The following BCL2L13 variants were observed in gnomAD, a reference collection of about 807,000 sequenced individuals.
BCL2L13 encodes the protein bcl-2-like protein 13.
In BCL2L13, 13 loss-of-function variants were observed where a neutral mutation model predicts 25.8. That is an observed-to-expected ratio of 0.50 (90% CI 0.33 to 0.80). The LOEUF (loss-of-function observed/expected upper bound fraction) is 0.80. Ranked by LOEUF, BCL2L13 falls within the 30% of genes least tolerant of loss-of-function variation. The probability of loss-of-function intolerance (pLI) is 0.02; values close to 1 mark genes in which losing one functional copy is unlikely to be tolerated. For missense variants in BCL2L13, 504 were observed against 574.9 expected (o/e 0.88, Z 1.26); for synonymous variants, 244 against 230.3 (o/e 1.06, Z -0.54).
intron 1 of BCL2L13, among the ~76,000 whole-genome samples, chr22:17,632,167 G>T (rs1035634769): frequency 6.6e-6 from 1 of 152,108 alleles, no homozygotes; most frequent in African/African-American, 2.4e-5. Context: ...ATAAAGGAAA[G>T]ATTTACCCAC....
At position 17,656,317 on chromosome 22, in the gene BCL2L13, AT is replaced by A. The variant is rs1193906753; in HGVS notation, c.121+493del. ...ATTTCCAGAAGCAAAAAACAAAAGT[AT>A]TTTTTTTCATTTTATTCTTTTTTTT... On this transcript the variant is annotated intron_variant, in intron 2 of 6. Coordinates refer to ENST00000317582, the MANE Select transcript of BCL2L13 (RefSeq NM_015367.4). Among the ~76,000 whole-genome samples the A allele has an allele frequency of 9.4e-3, 643 of 68,642 alleles. 8 individuals carry two copies. The highest frequency in any genetic ancestry group is 0.037 in the African/African-American group (613 of 16,360). 45.0% of individuals were successfully genotyped at this position (68,642 alleles called of 152,430 possible). A position where few individuals can be genotyped will look rare whatever the true frequency, so the allele number is the denominator to read the frequency against.
At chr22:17,658,983 A>G (rs572002141) in intron 2 of BCL2L13, among the ~76,000 whole-genome samples, 1,616 of 116,268 alleles carry the variant, frequency 0.014, 21 homozygotes, top group Non-Finnish European at 0.024. Context: ...GCTTGAACCC[A>G]GGAGGCGGAG....
rs573270558 is a variant in BCL2L13 at position 17,663,942 on chromosome 22, G to A, written c.121+8110G>A. On this transcript the variant is annotated intron_variant, in intron 2 of 6. Transcript: ENST00000317582. ...TGGCTCACTGCAACCTCCGCCTCCC[G>A]GGTCCAAGTGATCCTCCTGGCTCAG... Among the ~76,000 whole-genome samples the A allele has an allele frequency of 9.2e-5, 14 of 151,876 alleles. No individual in the cohort carries two copies. In the East Asian group the frequency reaches 1.4e-3, roughly 15 times the overall value.
intron 6 of BCL2L13, among the ~76,000 whole-genome samples, chr22:17,724,314 C>T (rs750743774): frequency 4.6e-5 from 7 of 152,282 alleles, no homozygotes; most frequent in South Asian, 2.1e-4. Context: ...CAGTCATCCC[C>T]ATTTTATTTG....
At chr22:17,685,554 A>G (rs2059901827) in intron 3 of BCL2L13, among the ~76,000 whole-genome samples, 1 of 152,048 alleles carries the variant, frequency 6.6e-6, no homozygotes, top group Non-Finnish European at 1.5e-5. Flanking sequence ...AGGGTCATCC[A>G]TGTTGTAGCA....
intron 5 of BCL2L13, among the ~76,000 whole-genome samples, 158 bp downstream of exon 5, chr22:17,696,368 A>G (rs2060264517): frequency 3.3e-5 from 5 of 152,190 alleles, no homozygotes; most frequent in Admixed American, 3.3e-4. Context: ...TGGTTTTTCG[A>G]TTAATGCTGC....
At chr22:17,638,949 G>C in intron 1 of BCL2L13, 63 bp downstream of exon 1, 1 of 1,196,632 alleles carries the variant, frequency 8.4e-7, no homozygotes, top group Non-Finnish European at 1.0e-6. Flanking sequence ...ACCTGGGTAG[G>C]AAAGTGCCCA....
chr22:17,665,516 A>G lies in BCL2L13; in HGVS notation c.121+9684A>G, dbSNP rs189161885. On this transcript the variant is annotated intron_variant, in intron 2 of 6. Transcript: ENST00000317582. Reference sequence around the variant, plus strand: ...AAGCAGTGCCCCACTCCCAGTACCAATTTTCTGTATGAGAACAGTATGGGG... The same window carrying G: ...AAGCAGTGCCCCACTCCCAGTACCAGTTTTCTGTATGAGAACAGTATGGGG... Among the ~76,000 whole-genome samples the G allele has an allele frequency of 2.0e-4, 31 of 152,068 alleles. No individual in the cohort carries two copies. In the South Asian group the frequency reaches 3.7e-3, roughly 18 times the overall value.
intron 2 of BCL2L13, among the ~76,000 whole-genome samples, chr22:17,670,493 G>C (rs2059382775): frequency 1.3e-5 from 2 of 150,964 alleles, no homozygotes; most frequent in Admixed American, 6.7e-5. Context: ...TCCTGCCTCA[G>C]CCTCCCAAGT....
chr22:17,687,739 G>C (rs551018645), intron 3 of BCL2L13, among the ~76,000 whole-genome samples: 8 of 151,232 alleles, frequency 5.3e-5, no homozygotes, highest in Admixed American at 6.6e-5. Context: ...GGATGGTCTC[G>C]ATCTCCTGAC....
rs1437920284 is a variant in BCL2L13 at position 17,730,569 on chromosome 22, T to G, written c.*3035T>G. On this transcript the variant is annotated 3_prime_UTR_variant, in exon 7 of 7. Coordinates refer to ENST00000317582, the MANE Select transcript of BCL2L13 (RefSeq NM_015367.4). ...GGTATGAGATGTGGACATTTCAGTG[T>G]TTGAATTATTTTAAGAGATGTTTTA... 6.6e-6 allele frequency: 1 copy of G among 152,216 alleles called. No individual in the cohort carries two copies. Among genetic ancestry groups the G allele is most frequent in the Non-Finnish European group, 1.5e-5 (1 of 68,036 alleles). 9.4% of individuals were successfully genotyped at this position (152,216 alleles called of 1,614,324 possible).
At chr22:17,712,574 TAATAA>T (rs559711807) in intron 6 of BCL2L13, among the ~76,000 whole-genome samples, 62 of 152,360 alleles carry the variant, frequency 4.1e-4, no homozygotes, top group African/African-American at 1.4e-3. Context: ...AGACATGACT[TAATAA>T]ACAGATAAGC....
In BCL2L13 at chr22:17,638,758, C is replaced by T; in HGVS notation, c.-179C>T. On this transcript the variant is annotated 5_prime_UTR_variant, in exon 1 of 7. Transcript: ENST00000317582. ...ACGAAGGCACGCCGGGGTGACCTCA[C>T]CCTCCAACATGGCGGCGGCGGTAGA... is the stretch of plus-strand genomic sequence containing the variant. The T allele has an allele frequency of 9.7e-6, 12 of 1,231,700 alleles. No homozygotes were observed. The highest frequency in any genetic ancestry group is 1.1e-5 in the Non-Finnish European group (11 of 987,956). The allele number at this position is 1,231,700 out of a possible 1,614,324, so 76.3% of individuals were successfully genotyped here. A position where few individuals can be genotyped will look rare whatever the true frequency, so the allele number is the denominator to read the frequency against.
At chr22:17,653,212 T>C (rs1466250930) in intron 1 of BCL2L13, among the ~76,000 whole-genome samples, 1 of 152,164 alleles carries the variant, frequency 6.6e-6, no homozygotes, top group Non-Finnish European at 1.5e-5. Context: ...TACCCTAAAG[T>C]GATTTCCTTA....
At chr22:17,650,272 T>C (rs1200035530) in intron 1 of BCL2L13, among the ~76,000 whole-genome samples, 6 of 152,198 alleles carry the variant, frequency 3.9e-5, no homozygotes, top group Non-Finnish European at 8.8e-5. Flanking sequence ...ATTACAGTCT[T>C]TCCTGGTTTT....
At chr22:17,701,344 C>G (rs1156247420) in intron 5 of BCL2L13, among the ~76,000 whole-genome samples, 5 of 152,136 alleles carry the variant, frequency 3.3e-5, no homozygotes, top group African/African-American at 4.8e-5. Context: ...TTTCTCTCAT[C>G]CTTGTTGCCA....
intron 6 of BCL2L13, among the ~76,000 whole-genome samples, chr22:17,724,287 A>T (rs1340813722): frequency 6.6e-6 from 1 of 152,148 alleles, no homozygotes; most frequent in Non-Finnish European, 1.5e-5. Flanking sequence ...AATACAACAA[A>T]AACAATCTTA....
Position 17,683,274 on chromosome 22 carries a change from CTG to C in BCL2L13, c.183_184del (p.Glu62AsnfsTer2). 1 of 1,593,728 alleles carries C rather than the reference CTG, an allele frequency of 6.3e-7. No individual in the cohort carries two copies. The highest frequency in any genetic ancestry group is 8.6e-7 in the Non-Finnish European group (1 of 1,167,630). On this transcript the variant is annotated frameshift_variant, in exon 3 of 7. Coordinates refer to ENST00000317582, the MANE Select transcript of BCL2L13 (RefSeq NM_015367.4). LOFTEE classifies it high-confidence loss of function. ...CAAGAAATTTTATTAAAAGTTAAAA[CTG>C]AAATTGAAGAAGAGCTAAAATCTCT...
At chr22:17,715,425 A>C (rs993279758) in intron 6 of BCL2L13, among the ~76,000 whole-genome samples, 1 of 150,642 alleles carries the variant, frequency 6.6e-6, no homozygotes, top group Non-Finnish European at 1.5e-5. Flanking sequence ...CAAACAATCC[A>C]CCCACCTCGG....
Sources: gnomAD v4.1 joint callset for allele counts (sites outside exome capture counted in the v4.1 genomes callset) on GRCh38, gnomAD v4.1.1 for gene constraint, MANE v1.5 for transcripts, NCBI Gene and HGNC (gene_info 2026-07-23, HGNC 2026-07-21) for gene names.